Variants in PDE7A observed in about 807,000 individuals in gnomAD.
PDE7A encodes the protein high affinity 3',5'-cyclic-AMP phosphodiesterase 7A.
Under a neutral mutation model 64.3 loss-of-function variants are expected in PDE7A, and 39 were observed. The ratio of observed to expected loss-of-function variants is 0.61; its 90% CI spans 0.47 to 0.79. The LOEUF (loss-of-function observed/expected upper bound fraction) is 0.79. PDE7A is among the 30% of genes least tolerant of loss of function. PDE7A has a pLI of 0.00. For synonymous variants in PDE7A, 203 were observed against 206.8 expected, an observed-to-expected ratio of 0.98 and a Z score of 0.16; for missense variants, 470 against 582.8, an observed-to-expected ratio of 0.81 and a Z score of 1.99.
At chr8:65,839,398 CT>C (rs775525188) in intron 1 of PDE7A, among the ~76,000 whole-genome samples, 95 of 145,222 alleles carry the variant, frequency 6.5e-4, no homozygotes, top group Admixed American at 2.3e-3. Context: ...TTTCTGTCTC[CT>C]TTTTTTTTTT....
chr8:65,721,607 A>G (rs950576878), intron 12 of PDE7A, among the ~76,000 whole-genome samples: 1 of 152,220 alleles, frequency 6.6e-6, no homozygotes, highest in Admixed American at 6.5e-5. Flanking sequence ...GACAAGATCA[A>G]TAGCTTGAGA....
At chr8:65,748,569 T>C (rs557209133) in intron 3 of PDE7A, among the ~76,000 whole-genome samples, 13 of 152,338 alleles carry the variant, frequency 8.5e-5, no homozygotes, top group African/African-American at 2.9e-4. Flanking sequence ...ACGTTATCTT[T>C]AGATTCTAAA....
intron 3 of PDE7A, among the ~76,000 whole-genome samples, chr8:65,754,165 G>A (rs1482876244): frequency 6.6e-6 from 1 of 152,076 alleles, no homozygotes; most frequent in Admixed American, 6.5e-5. Flanking sequence ...TGTGGGCTAG[G>A]AAGCTAGGCC....
At chr8:65,824,351 T>G (rs986949348) in intron 1 of PDE7A, among the ~76,000 whole-genome samples, 2 of 151,948 alleles carry the variant, frequency 1.3e-5, no homozygotes, top group African/African-American at 4.8e-5. Context: ...GTTTCCGGAG[T>G]TGAAATTTAC....
intron 1 of PDE7A, among the ~76,000 whole-genome samples, chr8:65,840,253 A>C (rs1811048093): frequency 1.3e-5 from 2 of 152,238 alleles, no homozygotes; most frequent in South Asian, 4.1e-4. Flanking sequence ...AATAAGTTTT[A>C]GTTTAAATAA....
chr8:65,802,646 T>A (rs956508755), intron 1 of PDE7A, among the ~76,000 whole-genome samples: 2 of 152,218 alleles, frequency 1.3e-5, no homozygotes, highest in African/African-American at 4.8e-5. Flanking sequence ...ATAAAAATAA[T>A]CCAGGAAGAT....
chr8:65,803,401 G>A (rs1585930292), intron 1 of PDE7A, among the ~76,000 whole-genome samples: 1 of 152,158 alleles, frequency 6.6e-6, no homozygotes, highest in Non-Finnish European at 1.5e-5. Flanking sequence ...CCCTTTTCAA[G>A]TTCTGGCTAG....
At position 65,727,152 on chromosome 8, in the gene PDE7A, T is replaced by A; in HGVS notation, c.828+18A>T. 1 of 1,365,684 alleles carries A rather than the reference T, an allele frequency of 7.3e-7. No individual in the cohort carries two copies. The highest frequency in any genetic ancestry group is 1.2e-5 in the South Asian group (1 of 82,342). 84.6% of individuals were successfully genotyped at this position (1,365,684 alleles called of 1,614,324 possible). On this transcript the variant is annotated intron_variant, in intron 8 of 12. Coordinates refer to ENST00000401827, the MANE Select transcript of PDE7A (RefSeq NM_001242318.3). ...AGAATGCAAAAATAATAAATCTTGATGATAAAATTGCACTAACCTTGTATA... is the reference window on the plus strand; with the variant it reads ...AGAATGCAAAAATAATAAATCTTGAAGATAAAATTGCACTAACCTTGTATA...
chr8:65,769,076 C>T (rs199783630), intron 3 of PDE7A, among the ~76,000 whole-genome samples: 4 of 151,784 alleles, frequency 2.6e-5, no homozygotes, highest in Non-Finnish European at 4.4e-5. Flanking sequence ...GGTGAAACCC[C>T]GTCTCTACTA....
intron 1 of PDE7A, among the ~76,000 whole-genome samples, chr8:65,812,539 A>G (rs891102404): frequency 2.0e-5 from 3 of 152,228 alleles, no homozygotes; most frequent in Non-Finnish European, 4.4e-5. Flanking sequence ...AGCATGATAT[A>G]GCACCAGAAG....
intron 11 of PDE7A, 27 bp from the exon 12 acceptor site, chr8:65,723,648 A>AAT: frequency 7.0e-7 from 1 of 1,422,832 alleles, no homozygotes; most frequent in Non-Finnish European, 9.5e-7. Flanking sequence ...GAGAAGTATT[A>AAT]ATATGAAGAA....
chr8:65,729,906 G>C (rs1563473469), intron 7 of PDE7A, among the ~76,000 whole-genome samples: 1 of 151,938 alleles, frequency 6.6e-6, no homozygotes, highest in Non-Finnish European at 1.5e-5. Flanking sequence ...TGTCCATCCT[G>C]AGAAATTACT....
intron 5 of PDE7A, among the ~76,000 whole-genome samples, chr8:65,741,114 T>C (rs1807410832): frequency 6.6e-6 from 1 of 152,222 alleles, no homozygotes; most frequent in Non-Finnish European, 1.5e-5. Context: ...ATACCTCCTA[T>C]TATACTTCTC....
At position 65,716,298 on chromosome 8, in the gene PDE7A, C is replaced by T. The variant is rs1806143599; in HGVS notation, c.*2992G>A. On this transcript the variant is annotated 3_prime_UTR_variant, in exon 13 of 13. Transcript: ENST00000401827. ...GAATGTGGAAATAGGATGATCTTTT[C>T]AGTTTCAAACTATAAGAGAAACAAT... is the stretch of plus-strand genomic sequence containing the variant. Among the ~76,000 whole-genome samples, 1 of 152,154 alleles carries T rather than the reference C, an allele frequency of 6.6e-6. No individual in the cohort carries two copies. The highest frequency in any genetic ancestry group is 2.4e-5 in the African/African-American group (1 of 41,438).
chr8:65,760,723 TC>T (rs1279825650), intron 3 of PDE7A, among the ~76,000 whole-genome samples: 2 of 152,230 alleles, frequency 1.3e-5, no homozygotes, highest in Non-Finnish European at 2.9e-5. Flanking sequence ...GACACTGTTT[TC>T]CTGGAGTAAT....
At chr8:65,737,283 A>G (rs1807180330) in intron 6 of PDE7A, among the ~76,000 whole-genome samples, 1 of 152,042 alleles carries the variant, frequency 6.6e-6, no homozygotes, top group Admixed American at 6.6e-5. Flanking sequence ...TGGCTTCCAC[A>G]TTAGCGGCAA....
chr8:65,838,005 G>A (rs1335531559), intron 1 of PDE7A, among the ~76,000 whole-genome samples: 1 of 150,864 alleles, frequency 6.6e-6, no homozygotes, highest in South Asian at 2.1e-4. Flanking sequence ...GCTATTCTAT[G>A]AGTATATATT....
intron 3 of PDE7A, 29 bp from the exon 4 acceptor site, chr8:65,747,832 T>C (rs1356222621): frequency 2.0e-6 from 3 of 1,529,904 alleles, no homozygotes; most frequent in Non-Finnish European, 1.8e-6. Context: ...AAGGTAAGTA[T>C]AGCAAGTTAA....
chr8:65,806,119 C>G (rs1488035888), intron 1 of PDE7A, among the ~76,000 whole-genome samples: 1 of 152,122 alleles, frequency 6.6e-6, no homozygotes, highest in Non-Finnish European at 1.5e-5. Context: ...TGTAAACACT[C>G]TAAATATCCA....
Sources: allele counts gnomAD v4.1 joint callset (sites outside exome capture counted in the v4.1 genomes callset), GRCh38; gene constraint gnomAD v4.1.1; transcripts MANE v1.5; gene names NCBI Gene and HGNC (gene_info 2026-07-23, HGNC 2026-07-21).